Variants in ZNF892 observed in about 807,000 individuals in gnomAD.
The protein encoded by ZNF892 is zinc finger protein 892.
chr2:95,251,922 T>G, the ZNF892 span, among the ~76,000 whole-genome samples: 8 of 152,152 alleles, frequency 5.3e-5, no homozygotes, highest in African/African-American at 1.9e-4. Context: ...AATTCACAAG[T>G]GTTGCAATTA....
chr2:95,224,624 G>T, the ZNF892 span, among the ~76,000 whole-genome samples: 1 of 152,162 alleles, frequency 6.6e-6, no homozygotes, highest in Admixed American at 6.5e-5. Context: ...CTGCCCTCAT[G>T]ATCCAATCGC....
the ZNF892 span, among the ~76,000 whole-genome samples, chr2:95,256,805 C>T: frequency 7.9e-5 from 12 of 152,266 alleles, no homozygotes; most frequent in South Asian, 6.2e-4. Flanking sequence ...CTTCTCTTCT[C>T]GCTTCATTTC....
the ZNF892 span, chr2:95,215,084 G>A: frequency 2.0e-6 from 1 of 500,946 alleles, no homozygotes; most frequent in East Asian, 3.1e-5. Context: ...TCCTTACCCA[G>A]CATCAGGTCA....
the ZNF892 span, among the ~76,000 whole-genome samples, chr2:95,245,520 C>T: frequency 6.8e-5 from 10 of 146,636 alleles, no homozygotes; most frequent in South Asian, 2.2e-4. Flanking sequence ...CCGCCCACCT[C>T]GGCCTCCCAA....
At chr2:95,260,584 C>T in the ZNF892 span, among the ~76,000 whole-genome samples, 1 of 152,218 alleles carries the variant, frequency 6.6e-6, no homozygotes, top group African/African-American at 2.4e-5. Context: ...CACCACAGGT[C>T]CCCCTAGGAC....
the ZNF892 span, among the ~76,000 whole-genome samples, chr2:95,239,131 C>T: frequency 1.3e-4 from 17 of 133,684 alleles, no homozygotes; most frequent in Non-Finnish European, 2.3e-4. Flanking sequence ...AAGAGCAAAA[C>T]TCCGTCTCAA....
the ZNF892 span, among the ~76,000 whole-genome samples, chr2:95,236,368 TAAGAGAA>T: frequency 1.3e-5 from 2 of 152,330 alleles, no homozygotes; most frequent in Admixed American, 6.5e-5. Flanking sequence ...ATAGATAGCT[TAAGAGAA>T]AAGAGAAAAG....
At chr2:95,233,271 C>T in the ZNF892 span, among the ~76,000 whole-genome samples, 3 of 151,420 alleles carry the variant, frequency 2.0e-5, no homozygotes, top group Admixed American at 2.0e-4. Flanking sequence ...GCAATTATAG[C>T]TCACTGTGGT....
At chr2:95,242,592 G>A in the ZNF892 span, among the ~76,000 whole-genome samples, 1 of 152,272 alleles carries the variant, frequency 6.6e-6, no homozygotes. Flanking sequence ...AAACAAGTCT[G>A]CAATATAACC....
chr2:95,215,582 CAA>C, the ZNF892 span: 1 of 402,376 alleles, frequency 2.5e-6, no homozygotes, highest in Non-Finnish European at 4.4e-6. Context: ...TTGGCCAACA[CAA>C]GAGAATTCAT....
At chr2:95,226,751 A>T in the ZNF892 span, among the ~76,000 whole-genome samples, 3 of 152,078 alleles carry the variant, frequency 2.0e-5, no homozygotes, top group African/African-American at 7.2e-5. Flanking sequence ...CTCATCACCA[A>T]GTGTGGGGTT....
the ZNF892 span, among the ~76,000 whole-genome samples, chr2:95,254,660 C>T: frequency 6.6e-6 from 1 of 152,080 alleles, no homozygotes; most frequent in Non-Finnish European, 1.5e-5. Flanking sequence ...GGAATGGTAC[C>T]AGCTCCTCCT....
chr2:95,207,794 C>G, the ZNF892 span: 63 of 398,456 alleles, frequency 1.6e-4, no homozygotes, highest in African/African-American at 1.2e-3. Context: ...GCCTCCAGCG[C>G]GGGCCGGAGG....
the ZNF892 span, among the ~76,000 whole-genome samples, chr2:95,229,986 A>C: frequency 1.3e-5 from 2 of 152,084 alleles, no homozygotes; most frequent in Admixed American, 6.5e-5. Flanking sequence ...TGGTCTCTTC[A>C]TACTGGTTTA....
At chr2:95,250,490 G>C in the ZNF892 span, among the ~76,000 whole-genome samples, 1 of 148,904 alleles carries the variant, frequency 6.7e-6, no homozygotes, top group Non-Finnish European at 1.5e-5. Flanking sequence ...AAGCATTTAT[G>C]TAATAAATGT....
At chr2:95,255,173 G>A in the ZNF892 span, among the ~76,000 whole-genome samples, 16 of 151,880 alleles carry the variant, frequency 1.1e-4, no homozygotes, top group South Asian at 3.1e-3. Flanking sequence ...ATGATGTTAG[G>A]GTGTCAATTT....
the ZNF892 span, among the ~76,000 whole-genome samples, chr2:95,214,010 A>T: frequency 5.3e-5 from 8 of 152,086 alleles, no homozygotes; most frequent in South Asian, 4.1e-4. Context: ...ATCCTTTTTT[A>T]AAAAAATCTG....
At chr2:95,224,510 A>G in the ZNF892 span, among the ~76,000 whole-genome samples, 1 of 152,158 alleles carries the variant, frequency 6.6e-6, no homozygotes, top group Non-Finnish European at 1.5e-5. Flanking sequence ...AAACAGGCTC[A>G]TCTTACATGG....
At chr2:95,237,676 A>G in the ZNF892 span, among the ~76,000 whole-genome samples, 38 of 152,398 alleles carry the variant, frequency 2.5e-4, no homozygotes, top group Middle Eastern at 3.4e-3. Flanking sequence ...AAGCCGAGAC[A>G]GGCTGAAAGC....
Sources: gnomAD v4.1 joint callset for allele counts (sites outside exome capture counted in the v4.1 genomes callset) on GRCh38, gnomAD v4.1.1 for gene constraint, MANE v1.5 for transcripts, NCBI Gene and HGNC (gene_info 2026-07-23, HGNC 2026-07-21) for gene names.